RBFOX3: variants seen among roughly 807,000 people sequenced by gnomAD.
RBFOX3 encodes the protein RNA binding protein fox-1 homolog 3.
RBFOX3 carries 17 observed loss-of-function variants against 48.7 expected under a neutral mutation model. The observed-to-expected ratio is 0.35, with a 90% CI of 0.24 to 0.52. RBFOX3 has a LOEUF of 0.52. RBFOX3 is among the 20% of genes least tolerant of loss of function. The probability of loss-of-function intolerance (pLI) is 0.94; values close to 1 mark genes in which losing one functional copy is unlikely to be tolerated. For synonymous variants in RBFOX3, 212 were observed against 209.5 expected, an observed-to-expected ratio of 1.01 and a Z score of -0.10; for missense variants, 382 against 497.5, an observed-to-expected ratio of 0.77 and a Z score of 2.21.
rs113130840 is a variant in RBFOX3 at position 79,141,275 on chromosome 17, G to C, written c.-33-25527C>G. ...ATTAGTGTGATTGGACTCAGGAGCT[G>C]GGGTTGGGGCAGGAATGCTTATGAG... On this transcript the variant is annotated intron_variant, in intron 4 of 14. Transcript: ENST00000693108. 4.9e-3 allele frequency among the ~76,000 whole-genome samples: 742 copies of C among 152,310 alleles called. 8 individuals are homozygous for C. Among genetic ancestry groups the C allele is most frequent in the African/African-American group, 0.017 (711 of 41,560 alleles).
At chr17:79,376,388 G>A (rs1349442218) in intron 2 of RBFOX3, among the ~76,000 whole-genome samples, 1 of 152,142 alleles carries the variant, frequency 6.6e-6, no homozygotes, top group South Asian at 2.1e-4. Context: ...GAAGGTGGGG[G>A]TGGCAGGGGC....
intron 1 of RBFOX3, among the ~76,000 whole-genome samples, chr17:79,536,631 C>T (rs1178369273): frequency 3.4e-5 from 5 of 147,962 alleles, no homozygotes; most frequent in East Asian, 1.9e-4. Flanking sequence ...CTGAAGGAGC[C>T]GGCCACAGGG....
intron 2 of RBFOX3, among the ~76,000 whole-genome samples, chr17:79,476,614 A>T (rs2077799749): frequency 6.6e-6 from 1 of 152,184 alleles, no homozygotes. Context: ...GAAAGGAAAG[A>T]GGGGATAAGG....
At chr17:79,401,908 T>C (rs1031926097) in intron 2 of RBFOX3, among the ~76,000 whole-genome samples, 8 of 152,228 alleles carry the variant, frequency 5.3e-5, no homozygotes, top group Non-Finnish European at 1.2e-4. Context: ...GCATAAATGC[T>C]GCTGTTGAAG....
chr17:79,521,801 A>G (rs920748504), intron 1 of RBFOX3, among the ~76,000 whole-genome samples: 1 of 152,274 alleles, frequency 6.6e-6, no homozygotes, highest in Non-Finnish European at 1.5e-5. Context: ...AAAAACACAC[A>G]GTCACACATG....
chr17:79,175,541 T>C (rs1235269307), intron 4 of RBFOX3, among the ~76,000 whole-genome samples: 1 of 152,198 alleles, frequency 6.6e-6, no homozygotes, highest in Non-Finnish European at 1.5e-5. Flanking sequence ...TGGAGTGTGA[T>C]GAAGCAGCCC....
chr17:79,145,141 T>A lies in RBFOX3; in HGVS notation c.-33-29393A>T, dbSNP rs149826550. Among the ~76,000 whole-genome samples the A allele has an allele frequency of 7.3e-3, 1,107 of 152,084 alleles. 6 individuals carry two copies. The highest frequency in any genetic ancestry group is 7.5e-3 in the Non-Finnish European group (509 of 67,976). Reference sequence around the variant, plus strand: ...CTGAGAAACTGCCCAGAAAAACAGCTCAGGAAGCCCAGAGCCCGAGTTTGG... The same window carrying A: ...CTGAGAAACTGCCCAGAAAAACAGCACAGGAAGCCCAGAGCCCGAGTTTGG... On this transcript the variant is annotated intron_variant, in intron 4 of 14. Transcript: ENST00000693108.
At chr17:79,655,645 T>C in the RBFOX3 span, among the ~76,000 whole-genome samples, 2 of 152,236 alleles carry the variant, frequency 1.3e-5, no homozygotes, top group South Asian at 2.1e-4. Flanking sequence ...AAAACACCCA[T>C]GTGTGAGAAT....
intron 1 of RBFOX3, among the ~76,000 whole-genome samples, chr17:79,579,687 C>A (rs2092983206): frequency 6.6e-6 from 1 of 151,610 alleles, no homozygotes; most frequent in Non-Finnish European, 1.5e-5. Flanking sequence ...GACTCGGCAC[C>A]ATGGTGGGGA....
Position 79,471,387 on chromosome 17 carries a change from C to A in RBFOX3, c.-175+11067G>T, listed in dbSNP as rs929476674. On this transcript the variant is annotated intron_variant, in intron 2 of 14. Coordinates refer to ENST00000693108, the MANE Select transcript of RBFOX3 (RefSeq NM_001350451.2). This position sits in a 1 kb window ranked among gnomAD's most constrained non-coding sequence, Gnocchi z 4.0. ...TAATTCAAAAATCATGATGACCTTG[C>A]CTTGGGAACTTTTGGAGCAACAGAA... is the stretch of plus-strand genomic sequence containing the variant. 5.3e-5 allele frequency among the ~76,000 whole-genome samples: 8 copies of A among 152,300 alleles called. No homozygotes were observed. Among genetic ancestry groups the A allele is most frequent in the Non-Finnish European group, 8.8e-5 (6 of 68,030 alleles).
chr17:79,494,701 G>T (rs919070234), intron 1 of RBFOX3, among the ~76,000 whole-genome samples: 2 of 152,228 alleles, frequency 1.3e-5, no homozygotes, highest in Non-Finnish European at 2.9e-5. Flanking sequence ...AGGCAAGGAG[G>T]CCAGAGGGCC....
intron 3 of RBFOX3, among the ~76,000 whole-genome samples, chr17:79,290,818 A>G (rs1192432355): frequency 2.0e-5 from 3 of 152,114 alleles, no homozygotes; most frequent in African/African-American, 7.2e-5. Flanking sequence ...CCTTACACAC[A>G]AAATCAATTC....
intron 1 of RBFOX3, among the ~76,000 whole-genome samples, chr17:79,544,685 G>C (rs1260348546): frequency 6.6e-6 from 1 of 151,826 alleles, no homozygotes; most frequent in East Asian, 1.9e-4. Flanking sequence ...CTTCCCCAGG[G>C]CTCAGGGAGC....
chr17:79,509,612 C>T (rs1219987619), intron 1 of RBFOX3, among the ~76,000 whole-genome samples: 2 of 152,170 alleles, frequency 1.3e-5, no homozygotes, highest in Non-Finnish European at 2.9e-5. Context: ...TTCCCTTATA[C>T]TAACGGTTCC....
chr17:79,582,494 A>G (rs1394915609), intron 1 of RBFOX3, among the ~76,000 whole-genome samples: 3 of 152,166 alleles, frequency 2.0e-5, no homozygotes, highest in Non-Finnish European at 4.4e-5. Flanking sequence ...TCTCTTCTCA[A>G]TAAATCTCTG....
At chr17:79,651,711 C>T in the RBFOX3 span, among the ~76,000 whole-genome samples, 24 of 96,624 alleles carry the variant, frequency 2.5e-4, no homozygotes, top group Admixed American at 6.9e-4. Flanking sequence ...CCCTCCCTCC[C>T]TGTCTCTCTT....
rs1323032240 is a variant in RBFOX3, at chr17:79,204,351, G to A, written c.-34+31415C>T. 6.6e-6 allele frequency among the ~76,000 whole-genome samples: 1 copy of A among 152,180 alleles called. No individual in the cohort carries two copies. Among genetic ancestry groups the A allele is most frequent in the Non-Finnish European group, 1.5e-5 (1 of 68,034 alleles). On this transcript the variant is annotated intron_variant, in intron 4 of 14. Transcript: ENST00000693108. The surrounding 1 kb of genome is among the most constrained non-coding windows in gnomAD (Gnocchi z 4.5). ...CGGGTGCCGGGGAGCAGGGGGCGTA[G>A]GTGGGGTTGGGGCAGAATGTAAGTC...
At chr17:79,314,155 T>A (rs1173282305) in intron 2 of RBFOX3, among the ~76,000 whole-genome samples, 1 of 152,178 alleles carries the variant, frequency 6.6e-6, no homozygotes, top group Non-Finnish European at 1.5e-5. Context: ...CTCTTGTTGT[T>A]TTTTTACTAA....
Position 79,391,633 on chromosome 17 carries a change from T to G in RBFOX3, c.-174-83809A>C, listed in dbSNP as rs1280417046. Among the ~76,000 whole-genome samples the G allele has an allele frequency of 6.6e-6, 1 of 152,172 alleles. No homozygotes were observed. The highest frequency in any genetic ancestry group is 2.4e-5 in the African/African-American group (1 of 41,438). ...AAGAAATGAGGCCCAGTGAGGTACA[T>G]GTACACGTGCACATGTGCATACATG... is the stretch of plus-strand genomic sequence containing the variant. On this transcript the variant is annotated intron_variant, in intron 2 of 14. Transcript: ENST00000693108. The surrounding 1 kb of genome is among the most constrained non-coding windows in gnomAD (Gnocchi z 5.0).
Sources: allele counts gnomAD v4.1 joint callset (sites outside exome capture counted in the v4.1 genomes callset), GRCh38; gene constraint gnomAD v4.1.1; non-coding constraint Gnocchi (gnomAD v3.1); transcripts MANE v1.5; gene names NCBI Gene and HGNC (gene_info 2026-07-23, HGNC 2026-07-21).